Variants in MEIOSIN observed in about 807,000 individuals in gnomAD.
The protein encoded by MEIOSIN is meiosis initiator protein.
MEIOSIN carries 18 observed loss-of-function variants against 23.4 expected under a neutral mutation model. The ratio of observed to expected loss-of-function variants is 0.77; its 90% CI spans 0.53 to 1.14. The LOEUF (loss-of-function observed/expected upper bound fraction) is 1.14. Ranked by LOEUF, MEIOSIN falls within the 50% of genes most tolerant of loss-of-function variation. The pLI, the probability that MEIOSIN is intolerant of heterozygous loss-of-function variation, is 0.00. For synonymous variants in MEIOSIN, 187 were observed against 100.6 expected, an observed-to-expected ratio of 1.86 and a Z score of -5.14; for missense variants, 428 against 242.9, an observed-to-expected ratio of 1.76 and a Z score of -5.07.
In MEIOSIN at chr19:45,763,958, A is replaced by G; in HGVS notation, c.1770-13A>G. ...AGTGAGGAAGCCAGGCCATCCTGCC[A>G]CCGTCTCCCCAGCACCAAGGCTCGC... On this transcript the variant is annotated splice_polypyrimidine_tract_variant and intron_variant, in intron 14 of 14. Transcript: ENST00000457052. 3 of 398,556 alleles carry G rather than the reference A, an allele frequency of 7.5e-6. No homozygotes were observed. The highest frequency in any genetic ancestry group is 1.3e-5 in the Non-Finnish European group (3 of 226,168). 24.7% of individuals were successfully genotyped at this position (398,556 alleles called of 1,614,324 possible). A position where few individuals can be genotyped will look rare whatever the true frequency, so the allele number is the denominator to read the frequency against.
At chr19:45,740,466 G>T (rs1381816483) in intron 3 of MEIOSIN, among the ~76,000 whole-genome samples, 1 of 152,058 alleles carries the variant, frequency 6.6e-6, no homozygotes, top group African/African-American at 2.4e-5. Context: ...TAAAACAAAT[G>T]AAGGCCGGGC....
At chr19:45,734,840 T>G (rs1356904199) in intron 1 of MEIOSIN, among the ~76,000 whole-genome samples, 2 of 151,778 alleles carry the variant, frequency 1.3e-5, no homozygotes, top group East Asian at 3.9e-4. Flanking sequence ...TAGGTCCTCA[T>G]TTTGGGACTC....
At chr19:45,753,310 C>G (rs763361135) in intron 5 of MEIOSIN, among the ~76,000 whole-genome samples, 3 of 152,064 alleles carry the variant, frequency 2.0e-5, no homozygotes, top group Non-Finnish European at 4.4e-5. Flanking sequence ...TTGAGGGGGT[C>G]GGCTAGGAGA....
chr19:45,754,446 G>A (rs1207744953), intron 6 of MEIOSIN, 33 bp from the exon 7 acceptor site: 6 of 690,734 alleles, frequency 8.7e-6, no homozygotes, highest in South Asian at 7.6e-5. Flanking sequence ...TGACTCCCAG[G>A]CCCCTCTGAC....
At chr19:45,744,297 G>C (rs1417121803) in intron 3 of MEIOSIN, among the ~76,000 whole-genome samples, 2 of 152,114 alleles carry the variant, frequency 1.3e-5, no homozygotes, top group African/African-American at 4.8e-5. Flanking sequence ...TGGGATGACA[G>C]GTGTGAGCCA....
intron 4 of MEIOSIN, among the ~76,000 whole-genome samples, chr19:45,749,008 G>A (rs1276745384): frequency 6.6e-6 from 1 of 151,718 alleles, no homozygotes; most frequent in African/African-American, 2.4e-5. Flanking sequence ...GTCAGAGGCT[G>A]CAGTGAGCTG....
intron 6 of MEIOSIN, 146 bp downstream of exon 6, chr19:45,753,934 G>A (rs1386959455): frequency 5.1e-6 from 3 of 588,568 alleles, no homozygotes; most frequent in African/African-American, 3.7e-5. Context: ...TAGCACTGAG[G>A]CCTCACACCC....
rs1410233900 is a variant in MEIOSIN at position 45,761,747 on chromosome 19, G to A, written c.1314G>A (p.Leu438=). ...GCCTGCACCGGTCCTCAGTCTCGCT[G>A]GACCACTGCTACCTCTCGCTGAGCG... ...SHSLHRSSVS[L]DHCYLSLSGN... Residue 438 remains leucine, a synonymous_variant, in exon 12 of 15, where the codon CTG becomes CTA. Coordinates refer to ENST00000457052, the MANE Select transcript of MEIOSIN (RefSeq NM_001310124.2). 2 of 702,888 alleles carry A rather than the reference G, an allele frequency of 2.8e-6. No homozygotes were observed. The highest frequency in any genetic ancestry group is 1.5e-5 in the South Asian group (1 of 67,550). The allele number at this position is 702,888 out of a possible 1,614,324, so 43.5% of individuals were successfully genotyped here.
At chr19:45,755,947 G>T (rs769171523) in intron 7 of MEIOSIN, 23 bp from the exon 8 acceptor site, 17 of 699,994 alleles carry the variant, frequency 2.4e-5, no homozygotes, top group Non-Finnish European at 3.6e-5. Context: ...CCCCAGGCAT[G>T]GTCATCCTGA....
intron 3 of MEIOSIN, 112 bp downstream of exon 3, chr19:45,739,842 T>C: frequency 4.7e-6 from 3 of 634,154 alleles, no homozygotes; most frequent in Non-Finnish European, 8.5e-6. Flanking sequence ...ACACACATGC[T>C]TTCTTTCTTC....
At position 45,761,852 on chromosome 19, in the gene MEIOSIN, G is replaced by T. The variant is rs561011619; in HGVS notation, c.1419G>T (p.Leu473=). 1 of 677,270 alleles carries T rather than the reference G, an allele frequency of 1.5e-6. No homozygotes were observed. The highest frequency in any genetic ancestry group is 2.7e-5 in the East Asian group (1 of 36,724). 42.0% of individuals were successfully genotyped at this position (677,270 alleles called of 1,614,324 possible). The change falls in exon 12 of 15, where the codon CTG becomes CTT. Residue 473 remains leucine, a synonymous_variant. Coordinates refer to ENST00000457052, the MANE Select transcript of MEIOSIN (RefSeq NM_001310124.2). ...CGGAGGACAGCGACTCGGAGCCCCTGTGGAAGCAGCGAGAGGTGAGAGACA... is the reference window on the plus strand; with the variant it reads ...CGGAGGACAGCGACTCGGAGCCCCTTTGGAAGCAGCGAGAGGTGAGAGACA... ...SSSEDSDSEP[L]WKQREDMQAN... is the part of the protein sequence containing the mutation.
At chr19:45,752,919 CTT>C (rs11387482) in intron 5 of MEIOSIN, among the ~76,000 whole-genome samples, 5 of 119,158 alleles carry the variant, frequency 4.2e-5, no homozygotes, top group South Asian at 5.4e-4. Context: ...GTTTCTTCTT[CTT>C]TTTTTTTTTT....
intron 3 of MEIOSIN, among the ~76,000 whole-genome samples, chr19:45,740,791 T>C (rs1286062966): frequency 2.1e-5 from 3 of 142,298 alleles, no homozygotes; most frequent in Admixed American, 1.4e-4. Context: ...ATAATAATAA[T>C]AATAACAATG....
intron 2 of MEIOSIN, among the ~76,000 whole-genome samples, chr19:45,738,076 A>C (rs962787309): frequency 2.0e-5 from 3 of 152,140 alleles, no homozygotes; most frequent in Non-Finnish European, 4.4e-5. Flanking sequence ...TTATTCACGC[A>C]TTCATTCATC....
At chr19:45,751,307 A>G (rs967102996) in intron 5 of MEIOSIN, among the ~76,000 whole-genome samples, 2 of 146,842 alleles carry the variant, frequency 1.4e-5, no homozygotes, top group Non-Finnish European at 3.0e-5. Context: ...AATAATAATA[A>G]TAATATATAC....
At chr19:45,749,702 A>G (rs1268873261) in intron 4 of MEIOSIN, among the ~76,000 whole-genome samples, 8 of 149,770 alleles carry the variant, frequency 5.3e-5, no homozygotes, top group Non-Finnish European at 1.0e-4. Context: ...GCGCAAAAAA[A>G]AAAAACAAAA....
chr19:45,749,104 C>A (rs1335153689), intron 4 of MEIOSIN, among the ~76,000 whole-genome samples: 2 of 151,390 alleles, frequency 1.3e-5, no homozygotes, highest in Non-Finnish European at 2.9e-5. Context: ...GGTGTGGTGG[C>A]TCATGCCTGT....
At chr19:45,752,600 G>A (rs564958379) in intron 5 of MEIOSIN, among the ~76,000 whole-genome samples, 470 of 150,746 alleles carry the variant, frequency 3.1e-3, no homozygotes, top group Middle Eastern at 6.9e-3. Context: ...CAATTCTCCC[G>A]CCTTGGCCTC....
intron 8 of MEIOSIN, 93 bp downstream of exon 8, chr19:45,756,171 C>T (rs1000267109): frequency 1.4e-5 from 9 of 656,904 alleles, no homozygotes; most frequent in African/African-American, 8.9e-5. Flanking sequence ...AAGTCACGTC[C>T]TCTGCGGGTG....
Sources: allele counts gnomAD v4.1 joint callset (sites outside exome capture counted in the v4.1 genomes callset), GRCh38; gene constraint gnomAD v4.1.1; transcripts MANE v1.5; gene names NCBI Gene and HGNC (gene_info 2026-07-23, HGNC 2026-07-21).